LRIG1: variants seen among roughly 807,000 people sequenced by gnomAD.
LRIG1 encodes leucine rich repeats and immunoglobulin like domains 1, also known as leucine-rich repeats and immunoglobulin-like domains protein 1.
LRIG1 carries 48 observed loss-of-function variants against 99.2 expected under a neutral mutation model. The ratio of observed to expected loss-of-function variants is 0.48; its 90% confidence interval spans 0.38 to 0.62. The LOEUF is 0.62. Among genes scored for constraint, LRIG1 ranks in the 20% least tolerant of loss-of-function variants. The pLI is 0.00. For synonymous variants in LRIG1, 772 were observed against 596.1 expected, an observed-to-expected ratio of 1.29 and a Z score of -4.30; for missense variants, 1,646 against 1,434.4, an observed-to-expected ratio of 1.15 and a Z score of -2.38.
intron 3 of LRIG1, among the ~76,000 whole-genome samples, chr3:66,425,181 T>C (rs956949076): frequency 6.6e-6 from 1 of 152,218 alleles, no homozygotes; most frequent in African/African-American, 2.4e-5. Context: ...CATGACCCTA[T>C]CTAGCCCGTC....
chr3:66,452,487 G>A (rs1178875043), intron 2 of LRIG1, among the ~76,000 whole-genome samples: 1 of 152,178 alleles, frequency 6.6e-6, no homozygotes, highest in Non-Finnish European at 1.5e-5. Flanking sequence ...CAATCCTTAA[G>A]AAAACCAAAG....
chr3:66,418,124 G>A lies in LRIG1; in HGVS notation c.366-858C>T, dbSNP rs183489175. Among the ~76,000 whole-genome samples, 1,432 of 151,310 alleles carry A rather than the reference G, an allele frequency of 9.5e-3. 31 individuals carry two copies. Among genetic ancestry groups the A allele is most frequent in the Non-Finnish European group, 0.01 (710 of 67,952 alleles). ...GTTTTTGTTTTTGAGACAGAGTCTC[G>A]CTCTGTCGCCAGGCTGGAGTGCAGT... is the stretch of plus-strand genomic sequence containing the variant. On this transcript the variant is annotated intron_variant, in intron 3 of 18. Transcript: ENST00000273261.
chr3:66,423,272 A>G (rs1168309302), intron 3 of LRIG1, among the ~76,000 whole-genome samples: 1 of 152,218 alleles, frequency 6.6e-6, no homozygotes, highest in East Asian at 1.9e-4. Flanking sequence ...CTTTACCACA[A>G]TTTAAAATTA....
chr3:66,492,459 T>C (rs1701122780), intron 1 of LRIG1, among the ~76,000 whole-genome samples: 1 of 152,200 alleles, frequency 6.6e-6, no homozygotes, highest in Non-Finnish European at 1.5e-5. Flanking sequence ...AACCCTGCAT[T>C]ACGTTCATCG....
At chr3:66,482,725 G>A (rs1575726908) in intron 1 of LRIG1, among the ~76,000 whole-genome samples, 1 of 152,146 alleles carries the variant, frequency 6.6e-6, no homozygotes. Context: ...AAGCCTAAAT[G>A]CCCAATATCA....
chr3:66,388,109 A>G (rs1236601238), intron 12 of LRIG1: 5 of 137,736 alleles, frequency 3.6e-5, no homozygotes, highest in African/African-American at 1.5e-4. Flanking sequence ...TCTGTCTCAA[A>G]AAAAAAAAAA....
intron 1 of LRIG1, among the ~76,000 whole-genome samples, chr3:66,467,918 G>C (rs1700512216): frequency 6.6e-6 from 1 of 152,190 alleles, no homozygotes; most frequent in Non-Finnish European, 1.5e-5. Context: ...CTATGTAAAA[G>C]GCTGTGGTGA....
At chr3:66,484,708 A>T (rs1700930628) in intron 1 of LRIG1, among the ~76,000 whole-genome samples, 5 of 152,138 alleles carry the variant, frequency 3.3e-5, no homozygotes, top group Admixed American at 3.3e-4. Context: ...AGCTTTAAAC[A>T]ATGGGATTCA....
chr3:66,396,764 A>G (rs963834934), intron 11 of LRIG1, among the ~76,000 whole-genome samples: 4 of 152,226 alleles, frequency 2.6e-5, no homozygotes, highest in African/African-American at 4.8e-5. Flanking sequence ...TCCTGACATC[A>G]TATCTGAAAG....
intron 16 of LRIG1, among the ~76,000 whole-genome samples, chr3:66,382,040 A>C (rs1376203935): frequency 6.6e-6 from 1 of 152,218 alleles, no homozygotes; most frequent in African/African-American, 2.4e-5. Context: ...TTATCCTGCC[A>C]GGGAGATGCT....
chr3:66,390,392 CAG>C (rs1293621414), intron 12 of LRIG1, among the ~76,000 whole-genome samples: 3 of 152,008 alleles, frequency 2.0e-5, no homozygotes, highest in Non-Finnish European at 4.4e-5. Flanking sequence ...AGAATAAAAA[CAG>C]AAATACCTTT....
intron 8 of LRIG1, chr3:66,405,992 G>C: frequency 1.0e-6 from 1 of 991,950 alleles, no homozygotes; most frequent in Non-Finnish European, 1.2e-6. Context: ...CACACCTGGA[G>C]ACCAGGCCCC....
rs766590226 is a variant in LRIG1 at position 66,417,273 on chromosome 3, CACA to C, written c.366-10_366-8del. The C allele has an allele frequency of 3.7e-6, 6 of 1,612,994 alleles. No individual in the cohort carries two copies. Among genetic ancestry groups the C allele is most frequent in the East Asian group, 4.5e-5 (2 of 44,820 alleles). On this transcript the variant is annotated splice_polypyrimidine_tract_variant and splice_region_variant and intron_variant, in intron 3 of 18. Coordinates refer to ENST00000273261, the MANE Select transcript of LRIG1 (RefSeq NM_015541.3). ...GCGAATCTTGTTGTGCTGCCTGAAACACAACAAGGGAGGTGACTTGAGCATCTC... is the reference window on the plus strand; with the variant it reads ...GCGAATCTTGTTGTGCTGCCTGAAACACAAGGGAGGTGACTTGAGCATCTC...
chr3:66,417,043 C>A, intron 4 of LRIG1, 86 bp downstream of exon 4: 1 of 1,529,146 alleles, frequency 6.5e-7, no homozygotes, highest in Non-Finnish European at 9.0e-7. Flanking sequence ...AAGCATCCCT[C>A]CTGCATCCAG....
intron 11 of LRIG1, among the ~76,000 whole-genome samples, chr3:66,396,794 G>GA (rs1701868109): frequency 2.0e-5 from 3 of 152,248 alleles, no homozygotes; most frequent in Non-Finnish European, 2.9e-5. Context: ...CAGAAAAGGT[G>GA]AAAGAATTCC....
At chr3:66,489,565 C>CAG (rs543321889) in intron 1 of LRIG1, among the ~76,000 whole-genome samples, 8 of 150,418 alleles carry the variant, frequency 5.3e-5, no homozygotes, top group East Asian at 1.9e-4. Flanking sequence ...AACACACACA[C>CAG]AGAGAGAGAG....
intron 1 of LRIG1, among the ~76,000 whole-genome samples, chr3:66,496,108 C>T (rs763552199): frequency 2.0e-4 from 31 of 152,228 alleles, no homozygotes; most frequent in Middle Eastern, 3.4e-3. Context: ...AAGATGGTTC[C>T]GAGAATTACT....
At chr3:66,396,345 G>A (rs921005035) in intron 11 of LRIG1, among the ~76,000 whole-genome samples, 1 of 152,222 alleles carries the variant, frequency 6.6e-6, no homozygotes, top group Non-Finnish European at 1.5e-5. Flanking sequence ...CGGCTCTACT[G>A]CCTTCTGCTG....
chr3:66,462,560 C>T (rs1700379272), intron 1 of LRIG1, 51 bp from the exon 2 acceptor site: 2 of 1,291,774 alleles, frequency 1.5e-6, no homozygotes, highest in Non-Finnish European at 1.1e-6. Context: ...TGGCATCATA[C>T]CCAGAATTCA....
Sources: allele counts gnomAD v4.1 joint callset (sites outside exome capture counted in the v4.1 genomes callset), GRCh38; gene constraint gnomAD v4.1.1; transcripts MANE v1.5; gene names NCBI Gene and HGNC (gene_info 2026-07-23, HGNC 2026-07-21).